ACOT7: variants seen among roughly 807,000 people sequenced by gnomAD.
ACOT7 encodes the protein acyl-CoA thioesterase 7, also known as cytosolic acyl coenzyme A thioester hydrolase.
In ACOT7, 12 loss-of-function variants were observed where a neutral mutation model predicts 40.2. The ratio of observed to expected loss-of-function variants is 0.30; its 90% confidence interval spans 0.19 to 0.48. ACOT7 has a LOEUF of 0.48. Ranked by LOEUF, ACOT7 falls within the 20% of genes least tolerant of loss-of-function variation. The probability of loss-of-function intolerance (pLI) is 0.99; values close to 1 mark genes in which losing one functional copy is unlikely to be tolerated. For synonymous variants in ACOT7, 228 were observed against 219.5 expected (o/e 1.04, Z -0.34); for missense variants, 395 against 530.8 (o/e 0.74, Z 2.51).
chr1:6,316,878 A>G (rs916202032), intron 6 of ACOT7, among the ~76,000 whole-genome samples: 3 of 152,174 alleles, frequency 2.0e-5, no homozygotes, highest in Non-Finnish European at 2.9e-5. Context: ...TGGAGTAAGT[A>G]TCTGCAAGGT....
chr1:6,353,959 G>T (rs141089795), intron 1 of ACOT7, among the ~76,000 whole-genome samples: 1 of 152,132 alleles, frequency 6.6e-6, no homozygotes, highest in African/African-American at 2.4e-5. Flanking sequence ...TCTGCCTGCC[G>T]GGTCCTGGCA....
chr1:6,334,801 C>T (rs998807492), intron 3 of ACOT7, among the ~76,000 whole-genome samples: 1 of 152,216 alleles, frequency 6.6e-6, no homozygotes, highest in Non-Finnish European at 1.5e-5. Context: ...GGCCCAGAGA[C>T]GTCTAGGGGT....
In ACOT7 at chr1:6,306,393, C is replaced by T; in HGVS notation, c.713-11413G>A. On this transcript the variant is annotated intron_variant, in intron 6 of 8. Coordinates refer to ENST00000361521, the MANE Select transcript of ACOT7 (RefSeq NM_007274.4). This position sits in a 1 kb window ranked among gnomAD's most constrained non-coding sequence, Gnocchi z 4.3. ...GGCAGGACAAAGTGAGTTCCTGGGA[C>T]AGGTGCCTATAGGATGCTTGGACTG... is the stretch of plus-strand genomic sequence containing the variant. 4 of 985,348 alleles carry T rather than the reference C, an allele frequency of 4.1e-6. No individual in the cohort carries two copies. The highest frequency in any genetic ancestry group is 4.8e-6 in the Non-Finnish European group (4 of 829,914). 61.0% of individuals were successfully genotyped at this position (985,348 alleles called of 1,614,324 possible).
chr1:6,347,995 A>G (rs1004702861), intron 2 of ACOT7, among the ~76,000 whole-genome samples: 1 of 151,666 alleles, frequency 6.6e-6, no homozygotes, highest in Non-Finnish European at 1.5e-5. Flanking sequence ...CCCTGTGTCC[A>G]TGCTCTCCTG....
intron 6 of ACOT7, among the ~76,000 whole-genome samples, chr1:6,300,454 G>A (rs1315424870): frequency 6.6e-6 from 1 of 151,326 alleles, no homozygotes; most frequent in East Asian, 1.9e-4. Context: ...ACTCACAGCT[G>A]GCCCCTCCCC....
rs1375841341 is a variant in ACOT7 at position 6,301,979 on chromosome 1, G to C, written c.713-6999C>G. On this transcript the variant is annotated intron_variant, in intron 6 of 8. Transcript: ENST00000361521. The surrounding 1 kb of genome is among the most constrained non-coding windows in gnomAD (Gnocchi z 4.1). ...TATGAAACAACAACTTTATACTAAC[G>C]ATGGAAAAGGCCAAGACTGGTGGAT... Among the ~76,000 whole-genome samples, 1 of 152,198 alleles carries C rather than the reference G, an allele frequency of 6.6e-6. No individual in the cohort carries two copies. The highest frequency in any genetic ancestry group is 1.5e-5 in the Non-Finnish European group (1 of 68,036).
In ACOT7 at chr1:6,393,597, G is replaced by A; in HGVS notation, c.-198C>T. ...CGGCGTGGGGGCCCAGGCAGCCGCC[G>A]CTTCCAGAAGGTTCGGTGGCGGTTG... On this transcript the variant is annotated 5_prime_UTR_variant, in exon 1 of 9. Transcript: ENST00000361521. The A allele has an allele frequency of 5.1e-6, 2 of 394,026 alleles. No individual in the cohort carries two copies. The highest frequency in any genetic ancestry group is 9.6e-5 in the East Asian group (2 of 20,752). 24.4% of individuals were successfully genotyped at this position (394,026 alleles called of 1,614,324 possible).
chr1:6,266,282 C>G (rs1247938709), intron 8 of ACOT7, among the ~76,000 whole-genome samples: 1 of 152,254 alleles, frequency 6.6e-6, no homozygotes, highest in Non-Finnish European at 1.5e-5. Flanking sequence ...GTGGGCAAGA[C>G]CCCTGAGCTT....
chr1:6,372,519 A>T (rs899071141), intron 1 of ACOT7, among the ~76,000 whole-genome samples: 2 of 149,082 alleles, frequency 1.3e-5, no homozygotes, highest in African/African-American at 5.0e-5. Flanking sequence ...AGCTTTCAAC[A>T]TGCCTTCCTA....
At chr1:6,393,055 GCGGGGGCCGCC>G (rs1642560582) in intron 1 of ACOT7, among the ~76,000 whole-genome samples, 191 bp downstream of exon 1, 1 of 151,504 alleles carries the variant, frequency 6.6e-6, no homozygotes, top group Admixed American at 6.6e-5. Flanking sequence ...CTGGAGGCGG[GCGGGGGCCGCC>G]CGGCTTGTGC....
intron 1 of ACOT7, among the ~76,000 whole-genome samples, chr1:6,368,451 C>G (rs1557670415): frequency 6.6e-6 from 1 of 152,172 alleles, no homozygotes; most frequent in Non-Finnish European, 1.5e-5. Flanking sequence ...GCCCAGCCCC[C>G]ACACTCCATA....
intron 3 of ACOT7, 43 bp downstream of exon 3, chr1:6,339,390 C>G: frequency 6.2e-7 from 1 of 1,610,816 alleles, no homozygotes; most frequent in South Asian, 1.1e-5. Context: ...TGTGTAGCCA[C>G]GGCCCTTACT....
intron 8 of ACOT7, among the ~76,000 whole-genome samples, chr1:6,276,632 C>G (rs570864188): frequency 7.8e-4 from 118 of 152,178 alleles, no homozygotes; most frequent in African/African-American, 2.7e-3. Context: ...GCCGCCAGGG[C>G]ACATCTGGAG....
chr1:6,313,143 G>A (rs1018946130), intron 6 of ACOT7, among the ~76,000 whole-genome samples: 2 of 152,332 alleles, frequency 1.3e-5, no homozygotes, highest in East Asian at 1.9e-4. Context: ...CTAAGCTGGT[G>A]GTGTCTGGGG....
intron 1 of ACOT7, chr1:6,385,807 AGG>A (rs1642429296): frequency 7.0e-7 from 1 of 1,422,054 alleles, no homozygotes; most frequent in Non-Finnish European, 9.2e-7. Flanking sequence ...TGCTCCTCCT[AGG>A]ACCGCCCCTC....
Position 6,301,751 on chromosome 1 carries a change from C to G in ACOT7, c.713-6771G>C, listed in dbSNP as rs1260888619. Among the ~76,000 whole-genome samples the G allele has an allele frequency of 6.6e-6, 1 of 152,164 alleles. No individual in the cohort carries two copies. Among genetic ancestry groups the G allele is most frequent in the Non-Finnish European group, 1.5e-5 (1 of 68,034 alleles). On this transcript the variant is annotated intron_variant, in intron 6 of 8. Transcript: ENST00000361521. The surrounding 1 kb of genome is among the most constrained non-coding windows in gnomAD (Gnocchi z 4.1). ...GTCAAGAATTAGTCACAGATGAGGG[C>G]AGGAAAAGCTCATCCGGTCCCAGAA... is the stretch of plus-strand genomic sequence containing the variant.
intron 1 of ACOT7, among the ~76,000 whole-genome samples, chr1:6,391,935 T>C (rs906031492): frequency 6.6e-6 from 1 of 151,800 alleles, no homozygotes; most frequent in Non-Finnish European, 1.5e-5. Flanking sequence ...TGTCTCCAGT[T>C]ATTTCCTTTT....
At chr1:6,363,515 T>G (rs7517958) in intron 1 of ACOT7, among the ~76,000 whole-genome samples, 2 of 152,142 alleles carry the variant, frequency 1.3e-5, no homozygotes, top group African/African-American at 4.8e-5. Context: ...TGTTCCATCC[T>G]GCACACCTGG....
At chr1:6,328,921 C>T (rs1640881000) in intron 4 of ACOT7, among the ~76,000 whole-genome samples, 1 of 152,202 alleles carries the variant, frequency 6.6e-6, no homozygotes, top group Admixed American at 6.5e-5. Context: ...CCATCCCCCA[C>T]GACCTTCTCC....
Sources: gnomAD v4.1 joint callset for allele counts (sites outside exome capture counted in the v4.1 genomes callset) on GRCh38, gnomAD v4.1.1 for gene constraint, Gnocchi (gnomAD v3.1) non-coding constraint, MANE v1.5 for transcripts, NCBI Gene and HGNC (gene_info 2026-07-23, HGNC 2026-07-21) for gene names.